Variants in CPED1 observed in about 807,000 individuals in gnomAD.
The protein encoded by CPED1 is cadherin-like and PC-esterase domain-containing protein 1.
A neutral mutation model predicts 128.2 loss-of-function variants in CPED1; 114 were observed. The observed-to-expected ratio is 0.89, with a 90% CI of 0.76 to 1.04. CPED1 has a LOEUF of 1.04. CPED1 is among the 50% of genes least tolerant of loss of function. CPED1 has a pLI of 0.00. For synonymous variants in CPED1, 462 were observed against 426.7 expected (o/e 1.08, Z -1.02); for missense variants, 1,211 against 1,207.1 (o/e 1.00, Z -0.05).
intron 17 of CPED1, among the ~76,000 whole-genome samples, chr7:121,243,409 ATGT>A (rs1584625970): frequency 6.6e-6 from 1 of 152,214 alleles, no homozygotes; most frequent in East Asian, 1.9e-4. Context: ...TTTTGCATGA[ATGT>A]TGTTTTATCA....
chr7:121,268,792 C>T (rs1792180783), intron 21 of CPED1, among the ~76,000 whole-genome samples: 1 of 151,900 alleles, frequency 6.6e-6, no homozygotes, highest in African/African-American at 2.4e-5. Flanking sequence ...TTAACTCCTC[C>T]ACCACTCCCT....
chr7:121,252,214 A>G (rs1798688995), intron 18 of CPED1, among the ~76,000 whole-genome samples: 1 of 151,590 alleles, frequency 6.6e-6, no homozygotes, highest in Admixed American at 6.6e-5. Flanking sequence ...GCAATGGGGA[A>G]AGGATTCCCT....
chr7:121,038,236 C>T (rs1330666783), intron 3 of CPED1, among the ~76,000 whole-genome samples: 1 of 151,952 alleles, frequency 6.6e-6, no homozygotes, highest in East Asian at 1.9e-4. Flanking sequence ...GGAATGCTTT[C>T]AACTTTTCCC....
intron 7 of CPED1, among the ~76,000 whole-genome samples, chr7:121,105,801 A>G (rs1223833147): frequency 6.6e-6 from 1 of 152,138 alleles, no homozygotes; most frequent in African/African-American, 2.4e-5. Flanking sequence ...TTAAAAAGCA[A>G]TTCATTCACT....
intron 7 of CPED1, among the ~76,000 whole-genome samples, chr7:121,111,217 C>T (rs1795098853): frequency 6.6e-6 from 1 of 152,168 alleles, no homozygotes; most frequent in South Asian, 2.1e-4. Flanking sequence ...ACTGAAGGCC[C>T]TACCAGAAAA....
chr7:121,197,142 G>A (rs1797290620), intron 16 of CPED1, among the ~76,000 whole-genome samples: 1 of 143,784 alleles, frequency 7.0e-6, no homozygotes, highest in African/African-American at 2.6e-5. Flanking sequence ...TTTTTCTAGA[G>A]AGGACCCAAT....
rs572715240 is a variant in CPED1 at position 121,060,377 on chromosome 7, A to G, written c.541-3861A>G. Among the ~76,000 whole-genome samples, 28 of 152,360 alleles carry G rather than the reference A, an allele frequency of 1.8e-4. No individual in the cohort carries two copies. In the South Asian group the frequency reaches 5.2e-3, roughly 28 times the overall value. On this transcript the variant is annotated intron_variant, in intron 4 of 22. Coordinates refer to ENST00000310396, the MANE Select transcript of CPED1 (RefSeq NM_024913.5). ...ACCTGCAGCCCCCGGTGCGGGATCC[A>G]CTGGGTGAAGCCAGCTGAGCTCCTG...
At chr7:121,169,262 AG>A (rs1796599679) in intron 16 of CPED1, among the ~76,000 whole-genome samples, 1 of 52,500 alleles carries the variant, frequency 1.9e-5, no homozygotes, top group African/African-American at 4.4e-5. Flanking sequence ...TTCATAAGAC[AG>A]TATTAAAATG....
Position 121,033,856 on chromosome 7 carries a change from G to A in CPED1, c.434-13031G>A, listed in dbSNP as rs958368730. 1.6e-4 allele frequency among the ~76,000 whole-genome samples: 25 copies of A among 152,262 alleles called. No homozygotes were observed. The South Asian group carries it at 2.5e-3, about 15-fold the overall frequency. ...TCAAGCCTTAATTCTCATCTGTGCTGAATTAGTGTGGATTTATTCTTGAAA... is the reference window on the plus strand; with the variant it reads ...TCAAGCCTTAATTCTCATCTGTGCTAAATTAGTGTGGATTTATTCTTGAAA... On this transcript the variant is annotated intron_variant, in intron 3 of 22. Coordinates refer to ENST00000310396, the MANE Select transcript of CPED1 (RefSeq NM_024913.5).
intron 3 of CPED1, among the ~76,000 whole-genome samples, chr7:121,016,433 G>C (rs1175201820): frequency 6.6e-6 from 1 of 152,172 alleles, no homozygotes; most frequent in East Asian, 1.9e-4. Context: ...AACGTTTCTT[G>C]AACAAGTAAC....
At chr7:121,115,847 A>C (rs1304854012) in intron 7 of CPED1, among the ~76,000 whole-genome samples, 1 of 152,220 alleles carries the variant, frequency 6.6e-6, no homozygotes, top group Non-Finnish European at 1.5e-5. Context: ...TCATATAAAG[A>C]AAATGAGCAG....
In CPED1 at chr7:121,271,367, C is replaced by A; in HGVS notation, c.2805C>A (p.Phe935Leu). The A allele has an allele frequency of 6.2e-7, 1 of 1,612,676 alleles. No individual in the cohort carries two copies. The highest frequency in any genetic ancestry group is 8.5e-7 in the Non-Finnish European group (1 of 1,179,014). Reference protein sequence around the residue: ...KKHGYEVVDTFTITMGRYKEF... With the variant: ...KKHGYEVVDTLTITMGRYKEF... ...ATGGCTATGAAGTAGTTGACACATTCACTATAACAATGGGGCGTTACAAAG... is the reference window on the plus strand; with the variant it reads ...ATGGCTATGAAGTAGTTGACACATTAACTATAACAATGGGGCGTTACAAAG... The change falls in exon 22 of 23, where the codon TTC becomes TTA. Residue 935 changes from phenylalanine to leucine, a missense_variant. By Grantham distance (22) the Phe-to-Leu change is conservative. Transcript: ENST00000310396.
chr7:121,136,416 C>T (rs965539508), intron 14 of CPED1, among the ~76,000 whole-genome samples: 2 of 152,088 alleles, frequency 1.3e-5, no homozygotes, highest in African/African-American at 4.8e-5. Flanking sequence ...AGGGGTCTCA[C>T]TACCTGGCAG....
intron 15 of CPED1, 59 bp from the exon 16 acceptor site, chr7:121,141,914 T>A (rs967523084): frequency 7.2e-7 from 1 of 1,385,784 alleles, no homozygotes; most frequent in Non-Finnish European, 1.0e-6. Context: ...ATGAATCAGT[T>A]TGGGCTGAAT....
chr7:121,055,041 T>A (rs1455656554), intron 4 of CPED1, among the ~76,000 whole-genome samples: 1 of 152,232 alleles, frequency 6.6e-6, no homozygotes, highest in Non-Finnish European at 1.5e-5. Flanking sequence ...AGTTTATTCC[T>A]TCTTATTGAT....
At chr7:121,247,969 G>A (rs1032815479) in intron 18 of CPED1, among the ~76,000 whole-genome samples, 20 of 152,322 alleles carry the variant, frequency 1.3e-4, no homozygotes, top group African/African-American at 4.6e-4. Context: ...GCAGGAGCAT[G>A]TGCACAGCAG....
chr7:121,040,140 T>C (rs978618471), intron 3 of CPED1, among the ~76,000 whole-genome samples: 8 of 152,062 alleles, frequency 5.3e-5, no homozygotes, highest in African/African-American at 1.9e-4. Flanking sequence ...GCCAGAAGCA[T>C]AGCAAGTAAA....
chr7:121,224,016 G>T (rs1291861375), intron 16 of CPED1, among the ~76,000 whole-genome samples: 1 of 151,662 alleles, frequency 6.6e-6, no homozygotes, highest in East Asian at 1.9e-4. Flanking sequence ...TTTTGAATTT[G>T]TTCTTGCTTC....
Position 121,295,908 on chromosome 7 carries a change from A to C in CPED1, c.*256A>C, listed in dbSNP as rs1792816061. ...ATATACCTAGAGAAACGTTACTTGA[A>C]GCATAATTATTAACCAGAACCACTG... is the stretch of plus-strand genomic sequence containing the variant. On this transcript the variant is annotated 3_prime_UTR_variant, in exon 23 of 23. Transcript: ENST00000310396. 2 of 357,702 alleles carry C rather than the reference A, an allele frequency of 5.6e-6. No homozygotes were observed. The highest frequency in any genetic ancestry group is 2.1e-5 in the African/African-American group (1 of 48,336). The allele number at this position is 357,702 out of a possible 1,614,324, so 22.2% of individuals were successfully genotyped here. A position where few individuals can be genotyped will look rare whatever the true frequency, so the allele number is the denominator to read the frequency against.
Sources: allele counts gnomAD v4.1 joint callset (sites outside exome capture counted in the v4.1 genomes callset), GRCh38; gene constraint gnomAD v4.1.1; transcripts MANE v1.5; gene names NCBI Gene and HGNC (gene_info 2026-07-23, HGNC 2026-07-21).